Variants in UBAC2 observed in about 807,000 individuals in gnomAD.
UBAC2 encodes the protein UBA domain containing 2.
In UBAC2, 26 loss-of-function variants were observed where a neutral mutation model predicts 44.0. That is an observed-to-expected ratio of 0.59 (90% CI 0.43 to 0.82). The LOEUF (loss-of-function observed/expected upper bound fraction) is 0.82. Among genes scored for constraint, UBAC2 ranks in the 40% least tolerant of loss-of-function variants. The probability of loss-of-function intolerance (pLI) is 0.00; values close to 1 mark genes in which losing one functional copy is unlikely to be tolerated. For missense variants in UBAC2, 329 were observed against 419.4 expected (o/e 0.78, Z 1.88); for synonymous variants, 155 against 154.3 (o/e 1.00, Z -0.04).
chr13:99,216,897 C>G (rs1341952478), intron 1 of UBAC2, among the ~76,000 whole-genome samples: 1 of 149,158 alleles, frequency 6.7e-6, no homozygotes, highest in Non-Finnish European at 1.5e-5. Flanking sequence ...GTGGTGCGAT[C>G]TTGGCTCACT....
intron 4 of UBAC2, among the ~76,000 whole-genome samples, chr13:99,266,774 C>T (rs951621261): frequency 2.6e-5 from 4 of 152,176 alleles, no homozygotes; most frequent in Non-Finnish European, 5.9e-5. Context: ...CACTGCTGTG[C>T]AGCCAACCTC....
chr13:99,341,801 A>G (rs2044893685), intron 7 of UBAC2, among the ~76,000 whole-genome samples: 1 of 152,270 alleles, frequency 6.6e-6, no homozygotes, highest in South Asian at 2.1e-4. Context: ...GATCAAGGTC[A>G]GAAAAACTGA....
At chr13:99,208,220 C>T (rs898306217) in intron 1 of UBAC2, among the ~76,000 whole-genome samples, 14 of 152,176 alleles carry the variant, frequency 9.2e-5, no homozygotes, top group African/African-American at 3.1e-4. Context: ...TGGTCTTGAA[C>T]TCCTGACCTC....
intron 4 of UBAC2, among the ~76,000 whole-genome samples, chr13:99,285,908 T>A (rs1323880485): frequency 1.3e-5 from 2 of 151,982 alleles, no homozygotes; most frequent in Non-Finnish European, 2.9e-5. Flanking sequence ...TCCAACGGGG[T>A]GCCAGAGTTC....
At chr13:99,364,221 G>A (rs973822343) in intron 7 of UBAC2, among the ~76,000 whole-genome samples, 1 of 151,660 alleles carries the variant, frequency 6.6e-6, no homozygotes, top group African/African-American at 2.4e-5. Flanking sequence ...GTCTCTTCAT[G>A]AATGGGTATT....
Position 99,338,047 on chromosome 13 carries a change from C to CTTTTTTTTTTTTTTTTTTTTTTTTTT in UBAC2, c.562-2270_562-2245dup, listed in dbSNP as rs869112086. 6.8e-4 allele frequency among the ~76,000 whole-genome samples: 33 copies of CTTTTTTTTTTTTTTTTTTTTTTTTTT among 48,866 alleles called. 2 individuals carry two copies. Among genetic ancestry groups the CTTTTTTTTTTTTTTTTTTTTTTTTTT allele is most frequent in the Admixed American group, 1.2e-3 (4 of 3,428 alleles). The allele number at this position is 48,866 out of a possible 152,430, so 32.1% of individuals were successfully genotyped here. A position where few individuals can be genotyped will look rare whatever the true frequency, so the allele number is the denominator to read the frequency against. ...ATCTCCTAACTTTTTTTCTTTTTTT[C>CTTTTTTTTTTTTTTTTTTTTTTTTTT]TTTTTTTTTTTTTTTTTTTTTTTTT... On this transcript the variant is annotated intron_variant, in intron 6 of 8. Coordinates refer to ENST00000403766, the MANE Select transcript of UBAC2 (RefSeq NM_001144072.2).
At chr13:99,287,337 G>A (rs904735679) in intron 4 of UBAC2, among the ~76,000 whole-genome samples, 1 of 152,128 alleles carries the variant, frequency 6.6e-6, no homozygotes, top group Non-Finnish European at 1.5e-5. Flanking sequence ...AGATTGTTGG[G>A]ACTGAGAACC....
intron 1 of UBAC2, chr13:99,201,630 A>AC (rs1403070024): frequency 6.3e-7 from 1 of 1,582,820 alleles, no homozygotes; most frequent in African/African-American, 1.4e-5. Flanking sequence ...TGTGGAATTG[A>AC]CTTTCGGTAA....
chr13:99,209,089 T>A (rs1566447072), intron 1 of UBAC2, among the ~76,000 whole-genome samples: 1 of 152,226 alleles, frequency 6.6e-6, no homozygotes, highest in Non-Finnish European at 1.5e-5. Context: ...GCCCTGGCTG[T>A]GCATGTGGGT....
intron 4 of UBAC2, among the ~76,000 whole-genome samples, chr13:99,265,592 CT>C (rs1173754338): frequency 2.6e-5 from 4 of 152,202 alleles, no homozygotes; most frequent in Non-Finnish European, 5.9e-5. Context: ...CCCTTTTCTT[CT>C]TCTTGTTCTC....
chr13:99,204,374 G>A (rs1049096804), intron 1 of UBAC2, among the ~76,000 whole-genome samples: 1 of 152,192 alleles, frequency 6.6e-6, no homozygotes, highest in African/African-American at 2.4e-5. Context: ...GGGAGGGACA[G>A]AGCCTGGACA....
At chr13:99,379,222 TC>T (rs768373905) in intron 8 of UBAC2, among the ~76,000 whole-genome samples, 3 of 152,278 alleles carry the variant, frequency 2.0e-5, no homozygotes, top group Admixed American at 6.5e-5. Context: ...CATTAGCACA[TC>T]CCAGCAAAGT....
At chr13:99,342,042 G>A (rs2044898295) in intron 7 of UBAC2, among the ~76,000 whole-genome samples, 1 of 152,352 alleles carries the variant, frequency 6.6e-6, no homozygotes, top group African/African-American at 2.4e-5. Context: ...AAGCAAACCA[G>A]AGAAGTTGCA....
chr13:99,370,749 C>T (rs1337669898), intron 8 of UBAC2, among the ~76,000 whole-genome samples: 2 of 152,168 alleles, frequency 1.3e-5, no homozygotes, highest in Admixed American at 1.3e-4. Context: ...TTGATCCAGC[C>T]CCTCCCGCTT....
In UBAC2 at chr13:99,333,985, G is replaced by A. The variant is rs149439323; in HGVS notation, c.562-6335G>A. Among the ~76,000 whole-genome samples, 375 of 152,150 alleles carry A rather than the reference G, an allele frequency of 2.5e-3. 4 individuals carry two copies. The highest frequency in any genetic ancestry group is 0.011 in the South Asian group (53 of 4,820). ...AAAATTAGCAACAAGATCTTGCTCC[G>A]TCACCCAGGCTGGATGCATTGGTGC... On this transcript the variant is annotated intron_variant, in intron 6 of 8. Transcript: ENST00000403766.
At chr13:99,363,994 T>C (rs1262338814) in intron 7 of UBAC2, among the ~76,000 whole-genome samples, 1 of 152,190 alleles carries the variant, frequency 6.6e-6, no homozygotes, top group African/African-American at 2.4e-5. Context: ...ATGATTTCAA[T>C]AGAGGGAATG....
At chr13:99,292,516 G>C (rs1345585550) in intron 4 of UBAC2, among the ~76,000 whole-genome samples, 1 of 152,022 alleles carries the variant, frequency 6.6e-6, no homozygotes, top group Non-Finnish European at 1.5e-5. Flanking sequence ...ATAAAGTATG[G>C]GTGACACTGT....
chr13:99,314,097 C>T lies in UBAC2; in HGVS notation c.390C>T (p.Phe130=), dbSNP rs2044451842. 13 of 1,604,032 alleles carry T rather than the reference C, an allele frequency of 8.1e-6. No individual in the cohort carries two copies. Among genetic ancestry groups the T allele is most frequent in the African/African-American group, 1.3e-5 (1 of 74,446 alleles). ...GATTTTTTTTTATTTGTTTGCATAG[C>T]CTGGCACCTGTGTTTGCTCTGTTTG... ...ITAASNLPSG[F]LAPVFALFVP... is the part of the protein sequence containing the mutation. Residue 130 remains phenylalanine (F), a splice_region_variant and synonymous_variant, in exon 5 of 9, where the codon TTC becomes TTT. Transcript: ENST00000403766.
chr13:99,270,900 G>C (rs921027851), intron 4 of UBAC2, among the ~76,000 whole-genome samples: 50 of 152,050 alleles, frequency 3.3e-4, no homozygotes, highest in African/African-American at 1.1e-3. Flanking sequence ...TAAATGTTTG[G>C]GTATTTATGC....
Sources: gnomAD v4.1 joint callset for allele counts (sites outside exome capture counted in the v4.1 genomes callset) on GRCh38, gnomAD v4.1.1 for gene constraint, MANE v1.5 for transcripts, NCBI Gene and HGNC (gene_info 2026-07-23, HGNC 2026-07-21) for gene names.